The following TVP23A variants were observed in gnomAD, a reference collection of about 807,000 sequenced individuals.
TVP23A encodes the protein trans-golgi network vesicle protein 23 homolog A, also known as Golgi apparatus membrane protein TVP23 homolog A.
Under a neutral mutation model 31.7 loss-of-function variants are expected in TVP23A, and 21 were observed. The observed-to-expected ratio is 0.66, with a 90% CI of 0.47 to 0.95. The LOEUF (loss-of-function observed/expected upper bound fraction) is 0.95, where lower values mean the gene tolerates loss of function less well. Ranked by LOEUF, TVP23A falls within the 40% of genes least tolerant of loss-of-function variation. The pLI, the probability that TVP23A is intolerant of heterozygous loss-of-function variation, is 0.00. For synonymous variants in TVP23A, 104 were observed against 96.0 expected (o/e 1.08, Z -0.49); for missense variants, 279 against 255.6 (o/e 1.09, Z -0.62).
At position 10,818,036 on chromosome 16, in the gene TVP23A, ATGAG is replaced by A. The variant is rs1380739205; in HGVS notation, c.89+63_89+66del. On this transcript the variant is annotated intron_variant, in intron 2 of 7. Coordinates refer to ENST00000299866, the MANE Select transcript of TVP23A (RefSeq NM_001079512.4). The surrounding 1 kb of genome is among the most constrained non-coding windows in gnomAD (Gnocchi z 4.7). ...TAGGTGCTCAATATATTTTGAATGA[ATGAG>A]TGAGTAAATGAATGAATTTGCAGCT... The A allele has an allele frequency of 2.6e-5, 35 of 1,334,214 alleles. No individual in the cohort carries two copies. The highest frequency in any genetic ancestry group is 1.8e-4 in the Middle Eastern group (1 of 5,610). 82.6% of individuals were successfully genotyped at this position (1,334,214 alleles called of 1,614,324 possible).
At chr16:10,775,299 G>GT (rs2031931138) in intron 2 of TVP23A, 39 of 1,396,096 alleles carry the variant, frequency 2.8e-5, no homozygotes, top group Middle Eastern at 2.7e-4. Context: ...TGCTGACACT[G>GT]TTTTTTTTCC....
In TVP23A at chr16:10,801,156, C is replaced by T. The variant is rs534710364; in HGVS notation, c.89+16947G>A. ...GAGAATGAAAGACCAAAATCTGGGGCCTGGGATTGTAGGTAAGAGGTAGTG... is the reference window on the plus strand; with the variant it reads ...GAGAATGAAAGACCAAAATCTGGGGTCTGGGATTGTAGGTAAGAGGTAGTG... On this transcript the variant is annotated intron_variant, in intron 2 of 7. Transcript: ENST00000299866. Among the ~76,000 whole-genome samples the T allele has an allele frequency of 3.9e-5, 6 of 151,902 alleles. No individual in the cohort carries two copies. The South Asian group carries it at 1.2e-3, about 32-fold the overall frequency.
In TVP23A at chr16:10,777,031, A is replaced by G. The variant is rs2032074135; in HGVS notation, c.90-1935T>C. 6.6e-6 allele frequency among the ~76,000 whole-genome samples: 1 copy of G among 152,116 alleles called. No homozygotes were observed. Among genetic ancestry groups the G allele is most frequent in the African/African-American group, 2.4e-5 (1 of 41,420 alleles). The stretch of plus-strand genomic sequence containing the variant: ...GACCTCCTATCTCATCCTGTGACTT[A>G]GAATGCCTTAACCGTCCAGGAATGC... On this transcript the variant is annotated intron_variant, in intron 2 of 7. Transcript: ENST00000299866. The surrounding 1 kb of genome is among the most constrained non-coding windows in gnomAD (Gnocchi z 4.5).
downstream of TVP23A, chr16:10,763,708 C>G (rs187650158): frequency 6.5e-6 from 1 of 153,706 alleles, no homozygotes; most frequent in East Asian, 1.9e-4. Flanking sequence ...ACCTCTGCCA[C>G]AGTTCAGCTC....
At chr16:10,778,315 C>A (rs2032202974) in intron 2 of TVP23A, among the ~76,000 whole-genome samples, 1 of 105,852 alleles carries the variant, frequency 9.4e-6, no homozygotes, top group Admixed American at 9.5e-5. Flanking sequence ...GCTTGGGCAA[C>A]AGAGCAAATC....
chr16:10,783,193 T>C (rs2032529864), intron 2 of TVP23A, among the ~76,000 whole-genome samples: 1 of 152,228 alleles, frequency 6.6e-6, no homozygotes. Flanking sequence ...ACGAATCTCC[T>C]GTTGGAAGCC....
downstream of TVP23A, chr16:10,761,221 C>T (rs1476666478): frequency 7.7e-6 from 5 of 650,628 alleles, no homozygotes; most frequent in Non-Finnish European, 1.3e-5. Context: ...TGGATGGGGA[C>T]ACAGAGCCAA....
chr16:10,766,873 G>A lies in TVP23A; in HGVS notation c.*2229C>T, dbSNP rs2030961493. 1 of 398,550 alleles carries A rather than the reference G, an allele frequency of 2.5e-6. No individual in the cohort carries two copies. Among genetic ancestry groups the A allele is most frequent in the Non-Finnish European group, 4.4e-6 (1 of 226,072 alleles). 24.7% of individuals were successfully genotyped at this position (398,550 alleles called of 1,614,324 possible). On this transcript the variant is annotated 3_prime_UTR_variant, in exon 8 of 8. Coordinates refer to ENST00000299866, the MANE Select transcript of TVP23A (RefSeq NM_001079512.4). This position sits in a 1 kb window ranked among gnomAD's most constrained non-coding sequence, Gnocchi z 4.8. ...TCATTTACGGCATACGTCCTATGGA[G>A]AGGACATTTCCTGTTATGGCTCAAG...
At chr16:10,811,795 T>G (rs2034212616) in intron 2 of TVP23A, among the ~76,000 whole-genome samples, 1 of 150,226 alleles carries the variant, frequency 6.7e-6, no homozygotes, top group Non-Finnish European at 1.5e-5. Flanking sequence ...TCCCATCTAC[T>G]CGGCAGGCTG....
chr16:10,786,956 C>T (rs8060671), intron 2 of TVP23A, among the ~76,000 whole-genome samples: 3,574 of 151,968 alleles, frequency 0.024, 161 homozygotes, highest in African/African-American at 0.081. Context: ...AAATTTAGAC[C>T]TAAAAATCCC....
At chr16:10,797,849 G>C (rs1230044539) in intron 2 of TVP23A, among the ~76,000 whole-genome samples, 1 of 152,028 alleles carries the variant, frequency 6.6e-6, no homozygotes, top group Admixed American at 6.6e-5. Context: ...GAAATGATTG[G>C]TCATGAATTG....
chr16:10,770,157 G>A (rs2031461455), intron 7 of TVP23A, 115 bp downstream of exon 7: 2 of 1,316,312 alleles, frequency 1.5e-6, no homozygotes, highest in Admixed American at 2.5e-5. Context: ...TCACATGCCT[G>A]GCCACCCCAG....
At chr16:10,810,218 A>G (rs1040784298) in intron 2 of TVP23A, among the ~76,000 whole-genome samples, 1 of 142,562 alleles carries the variant, frequency 7.0e-6, no homozygotes, top group Non-Finnish European at 1.5e-5. Flanking sequence ...TGTTTCTAGG[A>G]AAAAAAAAAA....
chr16:10,809,505 A>G (rs1226061901), intron 2 of TVP23A, among the ~76,000 whole-genome samples: 1 of 152,258 alleles, frequency 6.6e-6, no homozygotes, highest in East Asian at 1.9e-4. Context: ...GGTAACCCAT[A>G]GTGCTTTGGC....
chr16:10,774,248 G>T, intron 3 of TVP23A, 120 bp from the exon 4 acceptor site: 2 of 654,784 alleles, frequency 3.1e-6, no homozygotes, highest in Non-Finnish European at 5.0e-6. Flanking sequence ...GAAGAAAAAA[G>T]GCCTTGAATT....
chr16:10,796,791 T>C (rs1170281885), intron 2 of TVP23A, among the ~76,000 whole-genome samples: 1 of 152,210 alleles, frequency 6.6e-6, no homozygotes, highest in Admixed American at 6.5e-5. Context: ...GTGTGGATGT[T>C]ATTTCAGTTA....
At chr16:10,757,459 G>A (rs1299844745), downstream of TVP23A, among the ~76,000 whole-genome samples, 4 of 152,130 alleles carry the variant, frequency 2.6e-5, no homozygotes, top group Non-Finnish European at 5.9e-5. The surrounding 1 kb of genome is among the most constrained non-coding windows in gnomAD (Gnocchi z 4.1). Context: ...TTGATATTTT[G>A]AGCCAGATAA....
At chr16:10,810,927 T>C (rs2034168633) in intron 2 of TVP23A, among the ~76,000 whole-genome samples, 1 of 152,210 alleles carries the variant, frequency 6.6e-6, no homozygotes. Context: ...CAAAATTGCA[T>C]GAATGAATTC....
In TVP23A at chr16:10,788,282, T is replaced by TC. The variant is rs201364070; in HGVS notation, c.90-13187_90-13186insG. 3.7e-3 allele frequency among the ~76,000 whole-genome samples: 536 copies of TC among 146,436 alleles called. 9 individuals carry two copies. Among genetic ancestry groups the TC allele is most frequent in the East Asian group, 0.027 (138 of 5,122 alleles). On this transcript the variant is annotated intron_variant, in intron 2 of 7. Transcript: ENST00000299866. ...GGGGTTGTGAGCAAGGTTTTTTTTTTGTTTTTTTTTGAGATGGAGTCTTGC... is the reference window on the plus strand; with the variant it reads ...GGGGTTGTGAGCAAGGTTTTTTTTTTCGTTTTTTTTTGAGATGGAGTCTTGC...
Sources: allele counts gnomAD v4.1 joint callset (sites outside exome capture counted in the v4.1 genomes callset), GRCh38; gene constraint gnomAD v4.1.1; non-coding constraint Gnocchi (gnomAD v3.1); transcripts MANE v1.5; gene names NCBI Gene and HGNC (gene_info 2026-07-23, HGNC 2026-07-21).